The following ATP13A5 variants were observed in gnomAD, a reference collection of about 807,000 sequenced individuals.
ATP13A5 encodes probable cation-transporting ATPase 13A5.
A neutral mutation model predicts 150.2 loss-of-function variants in ATP13A5; 149 were observed. The observed-to-expected ratio is 0.99, with a 90% CI of 0.87 to 1.14. The LOEUF (loss-of-function observed/expected upper bound fraction) is 1.14. ATP13A5 is among the 50% of genes most tolerant of loss of function. The pLI, the probability that ATP13A5 is intolerant of heterozygous loss-of-function variation, is 0.00. For missense variants in ATP13A5, 1,383 were observed against 1,449.3 expected (o/e 0.95, Z 0.74); for synonymous variants, 497 against 522.2 (o/e 0.95, Z 0.66).
Position 193,299,130 on chromosome 3 carries a change from C to G in ATP13A5, c.2848+1G>C. 6.3e-7 allele frequency: 1 copy of G among 1,599,208 alleles called. No individual in the cohort carries two copies. The highest frequency in any genetic ancestry group is 1.1e-5 in the South Asian group (1 of 88,596). On this transcript the variant is annotated splice_donor_variant, in intron 25 of 29. Transcript: ENST00000342358. LOFTEE classifies it high-confidence loss of function. ...ATAGTTTTCTTTGCTAAAGAGCTTA[C>G]TTGTTAAACAGACCATCAAAGTAAT...
At chr3:193,362,750 CTTCT>C (rs751840109) in intron 3 of ATP13A5, 113 bp from the exon 4 acceptor site, 23,240 of 629,504 alleles carry the variant, frequency 0.037, 1,635 homozygotes, top group African/African-American at 0.088. Context: ...ACTTGCTTTC[CTTCT>C]TTCTTTCTTT....
chr3:193,299,195 T>G lies in ATP13A5; in HGVS notation c.2784A>C (p.Gln928His), dbSNP rs762953993. The part of the protein sequence containing the change: ...ISALLLYWQL[Q>H]LFGNYQYLMQ... ...TGAGATACTGGTAATTTCCAAAGAG[T>G]TGTAGTTGCTGAAAAAGAAACAAAA... The change falls in exon 25 of 30, where the codon CAA becomes CAC. Residue 928 changes from glutamine (Q) to histidine (H), a missense_variant. Physicochemically the swap from Gln to His is conservative, Grantham distance 24. This residue lies in a region of ATP13A5 where 568 missense variants were observed against 621.5 expected (regional missense o/e 0.91). Coordinates refer to ENST00000342358, the MANE Select transcript of ATP13A5 (RefSeq NM_198505.4). The G allele has an allele frequency of 2.5e-6, 4 of 1,607,992 alleles. No individual in the cohort carries two copies. In the African/African-American group the frequency reaches 5.4e-5, roughly 22 times the overall value.
chr3:193,345,401 G>GA (rs1406131716), intron 7 of ATP13A5, among the ~76,000 whole-genome samples: 4 of 151,560 alleles, frequency 2.6e-5, no homozygotes, highest in Non-Finnish European at 5.9e-5. Flanking sequence ...AATTGAGGAA[G>GA]AGAAAAAAAG....
intron 2 of ATP13A5, 130 bp downstream of exon 2, chr3:193,363,977 A>G: frequency 2.9e-6 from 3 of 1,024,212 alleles, no homozygotes; most frequent in South Asian, 1.8e-5. Context: ...TCCTGTTTTG[A>G]TCTATGGAAA....
intron 9 of ATP13A5, among the ~76,000 whole-genome samples, chr3:193,335,329 T>C (rs1053891563): frequency 3.3e-5 from 5 of 152,170 alleles, no homozygotes; most frequent in Non-Finnish European, 7.4e-5. Context: ...CTGGCCTGCA[T>C]GGTTTGTTGT....
chr3:193,306,074 C>A (rs555473173), intron 22 of ATP13A5, among the ~76,000 whole-genome samples: 36 of 151,908 alleles, frequency 2.4e-4, no homozygotes, highest in Admixed American at 7.2e-4. Context: ...TCTTCATGAA[C>A]AAAGGTGAAA....
In ATP13A5 at chr3:193,363,011, A is replaced by G. The variant is rs555897229; in HGVS notation, c.384+225T>C. Among the ~76,000 whole-genome samples the G allele has an allele frequency of 4.6e-5, 7 of 152,184 alleles. 1 individual carries two copies. The East Asian group carries it at 1.4e-3, about 29-fold the overall frequency. ...GAGATGAGGTTTTGCCATGTTTCCC[A>G]GGCTGGTCTCAAACTCCTGGGCTCA... is the stretch of plus-strand genomic sequence containing the variant. On this transcript the variant is annotated intron_variant, in intron 3 of 29. Transcript: ENST00000342358.
chr3:193,345,491 T>C (rs1319654584), intron 7 of ATP13A5, among the ~76,000 whole-genome samples: 2 of 152,096 alleles, frequency 1.3e-5, no homozygotes, highest in Admixed American at 6.6e-5. Flanking sequence ...AGAATAAATT[T>C]ATGGAACAAA....
intron 25 of ATP13A5, among the ~76,000 whole-genome samples, chr3:193,291,853 C>A (rs1392290838): frequency 6.6e-6 from 1 of 152,050 alleles, no homozygotes; most frequent in African/African-American, 2.4e-5. Context: ...TAGACCTTAC[C>A]CTAGGTGTCT....
Position 193,363,243 on chromosome 3 carries a change from T to C in ATP13A5, c.377A>G (p.Glu126Gly). 6.2e-7 allele frequency: 1 copy of C among 1,612,824 alleles called. No individual in the cohort carries two copies. The highest frequency in any genetic ancestry group is 8.5e-7 in the Non-Finnish European group (1 of 1,179,448). ...ACCCTTCAAGTAACTTACTTTTAAT[T>C]CTGGCTTTATTAAGGCTTGGTTTAT... ...SVINQALIKP[E>G]LKLRCMEVQK... The change falls in exon 3 of 30, where the codon GAA (glutamate) becomes GGA (glycine). Residue 126 changes from glutamate (E) to glycine (G), a missense_variant. By Grantham distance (98) the Glu-to-Gly change is moderately conservative. This residue lies in a region of ATP13A5 where 787 missense variants were observed against 771.9 expected (regional missense o/e 1.02). Transcript: ENST00000342358.
intron 6 of ATP13A5, 53 bp from the exon 7 acceptor site, chr3:193,351,254 C>A (rs1712552191): frequency 6.3e-7 from 1 of 1,591,866 alleles, no homozygotes; most frequent in Non-Finnish European, 8.6e-7. Flanking sequence ...TAGTAGCAAT[C>A]AAGAAGATGT....
intron 9 of ATP13A5, among the ~76,000 whole-genome samples, chr3:193,338,724 G>T (rs1711995119): frequency 6.6e-6 from 1 of 152,188 alleles, no homozygotes; most frequent in South Asian, 2.1e-4. Context: ...GCCAGGCTTT[G>T]GTATCAGGAT....
intron 23 of ATP13A5, among the ~76,000 whole-genome samples, chr3:193,303,760 T>C (rs1718499396): frequency 6.6e-6 from 1 of 151,786 alleles, no homozygotes; most frequent in Non-Finnish European, 1.5e-5. Context: ...ACATGGGAAG[T>C]GACCCACATC....
Position 193,378,680 on chromosome 3 carries a change from C to T in ATP13A5, c.46G>A (p.Gly16Arg). The T allele has an allele frequency of 6.2e-7, 1 of 1,613,886 alleles. No homozygotes were observed. Among genetic ancestry groups the T allele is most frequent in the Non-Finnish European group, 8.5e-7 (1 of 1,179,786 alleles). ...KKDHRALLNQ[G>R]EEDELEVFGY... ...AGACTCACCAGTTCATCCTCCTCTC[C>T]CTGGTTGAGCAAAGCCCGATGGTCC... The change falls in exon 1 of 30, where the codon GGA (glycine) becomes AGA (arginine). Residue 16 changes from glycine to arginine, a missense_variant. Gly to Arg is a moderately radical substitution (Grantham distance 125). Coordinates refer to ENST00000342358, the MANE Select transcript of ATP13A5 (RefSeq NM_198505.4).
intron 29 of ATP13A5, 103 bp from the exon 30 acceptor site, chr3:193,275,405 G>A: frequency 7.4e-7 from 1 of 1,355,112 alleles, no homozygotes; most frequent in South Asian, 1.4e-5. Context: ...CTTCCTCTGA[G>A]GTGTGCTCAT....
At chr3:193,371,212 G>A (rs768951634) in intron 1 of ATP13A5, among the ~76,000 whole-genome samples, 1 of 152,218 alleles carries the variant, frequency 6.6e-6, no homozygotes, top group East Asian at 1.9e-4. Flanking sequence ...TGTAAAATAA[G>A]AGCATTGTTA....
chr3:193,310,757 A>G lies in ATP13A5; in HGVS notation c.2446-40T>C, dbSNP rs764556262. ...CAACCATTGCAATATGATTGGGAAG[A>G]AGAAAACTTTTAAAAATAAAAGAAC... On this transcript the variant is annotated intron_variant, in intron 20 of 29. Coordinates refer to ENST00000342358, the MANE Select transcript of ATP13A5 (RefSeq NM_198505.4). The G allele has an allele frequency of 1.2e-5, 18 of 1,509,678 alleles. 1 individual carries two copies. The Admixed American group carries it at 3.7e-4, about 31-fold the overall frequency. 93.5% of individuals were successfully genotyped at this position (1,509,678 alleles called of 1,614,324 possible).
At chr3:193,309,509 C>T (rs549240719) in intron 21 of ATP13A5, among the ~76,000 whole-genome samples, 24 of 152,268 alleles carry the variant, frequency 1.6e-4, no homozygotes, top group African/African-American at 4.3e-4. Flanking sequence ...CTGGCATCCA[C>T]GCCCTGTGTA....
intron 9 of ATP13A5, among the ~76,000 whole-genome samples, chr3:193,338,556 A>G (rs1711985512): frequency 6.6e-6 from 1 of 152,186 alleles, no homozygotes; most frequent in Admixed American, 6.5e-5. Context: ...CATATGTTGA[A>G]CCAGCCTTGC....
Sources: allele counts gnomAD v4.1 joint callset (sites outside exome capture counted in the v4.1 genomes callset), GRCh38; gene constraint gnomAD v4.1.1; regional missense constraint gnomAD v4.1.1; transcripts MANE v1.5; gene names NCBI Gene and HGNC (gene_info 2026-07-23, HGNC 2026-07-21).